ETNK1: variants seen among roughly 807,000 people sequenced by gnomAD.
ETNK1 encodes the protein ethanolamine kinase 1.
ETNK1 carries 8 observed loss-of-function variants against 45.1 expected under a neutral mutation model. The observed-to-expected ratio is 0.18, with a 90% CI of 0.10 to 0.32. The LOEUF is 0.32. Among genes scored for constraint, ETNK1 ranks in the 10% least tolerant of loss-of-function variants. The pLI is 1.00. For missense variants in ETNK1, 302 were observed against 430.6 expected (o/e 0.70, Z 2.64); for synonymous variants, 152 against 151.9 (o/e 1.00, Z -0.01).
chr12:22,656,615 G>A, intron 2 of ETNK1: 1 of 985,296 alleles, frequency 1.0e-6, no homozygotes, highest in Non-Finnish European at 1.2e-6. Flanking sequence ...CTTCACACCT[G>A]TTCTGAATCC....
At chr12:22,657,575 G>T (rs1426822750) in intron 2 of ETNK1, among the ~76,000 whole-genome samples, 2 of 150,168 alleles carry the variant, frequency 1.3e-5, no homozygotes, top group Non-Finnish European at 3.0e-5. Context: ...TTCTCTAACC[G>T]GTTTAACCAC....
chr12:22,635,951 G>A (rs1953650579), intron 1 of ETNK1, among the ~76,000 whole-genome samples: 1 of 152,082 alleles, frequency 6.6e-6, no homozygotes, highest in African/African-American at 2.4e-5. Flanking sequence ...CCTGAGGTGG[G>A]CAGACTGTTT....
At chr12:22,682,987 C>G (rs1490501050) in intron 6 of ETNK1, among the ~76,000 whole-genome samples, 1 of 152,090 alleles carries the variant, frequency 6.6e-6, no homozygotes, top group Admixed American at 6.5e-5. Context: ...TTTTGAAAAT[C>G]TTTATCATTT....
At chr12:22,646,782 G>C (rs895898779) in intron 2 of ETNK1, among the ~76,000 whole-genome samples, 1 of 151,768 alleles carries the variant, frequency 6.6e-6, no homozygotes, top group Non-Finnish European at 1.5e-5. Context: ...AAAGGCTTAT[G>C]TTTATGTTTG....
chr12:22,645,789 A>G (rs796773904), intron 2 of ETNK1, among the ~76,000 whole-genome samples: 5 of 151,830 alleles, frequency 3.3e-5, no homozygotes, highest in African/African-American at 1.2e-4. Context: ...TCCTTGCTGT[A>G]TTATTGAATG....
intron 2 of ETNK1, among the ~76,000 whole-genome samples, chr12:22,648,864 C>A (rs538775578): frequency 1.3e-5 from 2 of 152,196 alleles, no homozygotes; most frequent in Admixed American, 1.3e-4. Flanking sequence ...TGCTGTTGCT[C>A]CACATCCTCA....
chr12:22,642,259 T>C (rs1953749493), intron 1 of ETNK1, among the ~76,000 whole-genome samples: 1 of 152,208 alleles, frequency 6.6e-6, no homozygotes, highest in Admixed American at 6.5e-5. Context: ...ATGAAGAAGT[T>C]ACAGAACAGC....
chr12:22,641,087 A>G (rs377224303), intron 1 of ETNK1, among the ~76,000 whole-genome samples: 36 of 152,266 alleles, frequency 2.4e-4, no homozygotes, highest in African/African-American at 8.7e-4. Flanking sequence ...TACATCTTTA[A>G]ACTGAAGTCA....
chr12:22,644,294 G>A, intron 2 of ETNK1: 1 of 1,597,038 alleles, frequency 6.3e-7, no homozygotes, highest in Non-Finnish European at 8.5e-7. Flanking sequence ...CTTCTGCTTA[G>A]TTTTTTCTAG....
intron 1 of ETNK1, among the ~76,000 whole-genome samples, chr12:22,642,293 G>A (rs1462329801): frequency 6.6e-6 from 1 of 152,020 alleles, no homozygotes; most frequent in Non-Finnish European, 1.5e-5. Context: ...TAGTGGCATT[G>A]TGATAAGAAA....
At chr12:22,625,855 T>A (rs1330286553) in intron 1 of ETNK1, 2 of 680,112 alleles carry the variant, frequency 2.9e-6, no homozygotes, top group Non-Finnish European at 5.4e-6. Context: ...GGGGGGAGAT[T>A]CCTGCTGATA....
At chr12:22,633,518 C>T (rs182747498) in intron 1 of ETNK1, among the ~76,000 whole-genome samples, 10 of 152,218 alleles carry the variant, frequency 6.6e-5, no homozygotes, top group Non-Finnish European at 1.2e-4. Context: ...TTAAGATTGC[C>T]GTGACTATTC....
At chr12:22,632,382 C>G (rs577655250) in intron 1 of ETNK1, among the ~76,000 whole-genome samples, 15 of 152,106 alleles carry the variant, frequency 9.9e-5, no homozygotes, top group African/African-American at 3.4e-4. Flanking sequence ...CTTTTTTTCA[C>G]TAGCCCTTTA....
At chr12:22,625,819 G>T (rs1158905741) in intron 1 of ETNK1, 5 of 727,806 alleles carry the variant, frequency 6.9e-6, no homozygotes, top group African/African-American at 1.7e-5. Context: ...TCTAGAAGCC[G>T]CTGCGTAAGT....
In ETNK1 at chr12:22,690,050, G is replaced by A. The variant is rs371266219; in HGVS notation, c.*5096G>A. 3 of 152,378 alleles carry A rather than the reference G, an allele frequency of 2.0e-5. No individual in the cohort carries two copies. The highest frequency in any genetic ancestry group is 6.5e-5 in the Admixed American group (1 of 15,274). 9.4% of individuals were successfully genotyped at this position (152,378 alleles called of 1,614,324 possible). A position where few individuals can be genotyped will look rare whatever the true frequency, so the allele number is the denominator to read the frequency against. On this transcript the variant is annotated 3_prime_UTR_variant, in exon 8 of 8. Coordinates refer to ENST00000266517, the MANE Select transcript of ETNK1 (RefSeq NM_018638.5). ...ATAATTTCCTTATTCAGTTTCAGAA[G>A]AAAAAGAATGAAATTGGGTAACTGT... is the stretch of plus-strand genomic sequence containing the variant.
intron 2 of ETNK1, among the ~76,000 whole-genome samples, chr12:22,646,013 C>T (rs1953803229): frequency 6.6e-6 from 1 of 151,704 alleles, no homozygotes; most frequent in Non-Finnish European, 1.5e-5. Context: ...CATTGAATTG[C>T]CCCACAGTTT....
At chr12:22,662,805 C>A (rs147498082) in intron 4 of ETNK1, among the ~76,000 whole-genome samples, 5 of 152,262 alleles carry the variant, frequency 3.3e-5, no homozygotes, top group South Asian at 4.1e-4. Context: ...TTAGCATGGT[C>A]ATAATTATAT....
chr12:22,640,331 C>T (rs375576865), intron 1 of ETNK1, among the ~76,000 whole-genome samples: 3 of 150,648 alleles, frequency 2.0e-5, no homozygotes, highest in Non-Finnish European at 2.9e-5. Flanking sequence ...CAAAACCAAA[C>T]GCATATAGGG....
chr12:22,649,265 G>T (rs1396586105), intron 2 of ETNK1, among the ~76,000 whole-genome samples: 1 of 151,912 alleles, frequency 6.6e-6, no homozygotes, highest in Non-Finnish European at 1.5e-5. Context: ...CATGCCTTTG[G>T]TGTCATTTTT....
Sources: allele counts gnomAD v4.1 joint callset (sites outside exome capture counted in the v4.1 genomes callset), GRCh38; gene constraint gnomAD v4.1.1; transcripts MANE v1.5; gene names NCBI Gene and HGNC (gene_info 2026-07-23, HGNC 2026-07-21).